The following KDM4C variants were observed in gnomAD, a reference collection of about 807,000 sequenced individuals.
KDM4C encodes lysine-specific demethylase 4C.
Under a neutral mutation model 129.3 loss-of-function variants are expected in KDM4C, and 81 were observed. That is an observed-to-expected ratio of 0.63 (90% CI 0.52 to 0.75). The LOEUF (loss-of-function observed/expected upper bound fraction) is 0.75, where lower values mean the gene tolerates loss of function less well. Among genes scored for constraint, KDM4C ranks in the 30% least tolerant of loss-of-function variants. The pLI, the probability that KDM4C is intolerant of heterozygous loss-of-function variation, is 0.00. For missense variants in KDM4C, 1,457 were observed against 1,304.0 expected (o/e 1.12, Z -1.81); for synonymous variants, 573 against 456.1 (o/e 1.26, Z -3.26).
At chr9:7,043,966 A>T (rs900384635) in intron 15 of KDM4C, among the ~76,000 whole-genome samples, 2 of 151,928 alleles carry the variant, frequency 1.3e-5, no homozygotes, top group African/African-American at 4.8e-5. Flanking sequence ...TATTTAACAA[A>T]CTCATATTAA....
At chr9:6,947,216 A>AT (rs1369232432) in intron 8 of KDM4C, among the ~76,000 whole-genome samples, 3 of 152,014 alleles carry the variant, frequency 2.0e-5, no homozygotes, top group Non-Finnish European at 4.4e-5. Context: ...TTCTGTTCTG[A>AT]TTTTTTGTAC....
chr9:6,757,107 G>T (rs900413793), upstream of KDM4C, among the ~76,000 whole-genome samples: 3 of 152,164 alleles, frequency 2.0e-5, no homozygotes, highest in African/African-American at 7.2e-5. Context: ...CAGTACAGGG[G>T]CTTAAGGTCT....
chr9:7,066,581 C>T (rs1360621472), intron 17 of KDM4C, among the ~76,000 whole-genome samples: 3 of 152,064 alleles, frequency 2.0e-5, no homozygotes, highest in South Asian at 2.1e-4. Flanking sequence ...TGACAATAAA[C>T]ATGTTAAATC....
intron 1 of KDM4C, among the ~76,000 whole-genome samples, chr9:6,732,237 C>G (rs756168293): frequency 2.0e-5 from 3 of 150,888 alleles, no homozygotes; most frequent in African/African-American, 7.3e-5. Context: ...TGGTGGTGGG[C>G]GCCTGTAGTC....
intron 8 of KDM4C, among the ~76,000 whole-genome samples, chr9:6,969,606 A>G (rs991766425): frequency 3.3e-5 from 5 of 152,208 alleles, no homozygotes; most frequent in Admixed American, 6.5e-5. Flanking sequence ...GTCTTACCTG[A>G]TAACGCATTC....
At chr9:6,756,337 C>T (rs1285049399), upstream of KDM4C, among the ~76,000 whole-genome samples, 1 of 152,202 alleles carries the variant, frequency 6.6e-6, no homozygotes, top group African/African-American at 2.4e-5. Context: ...TTAGCATATC[C>T]AATTTACTTG....
intron 8 of KDM4C, among the ~76,000 whole-genome samples, chr9:6,964,565 CTT>C (rs1563897437): frequency 6.6e-6 from 1 of 151,904 alleles, no homozygotes; most frequent in African/African-American, 2.4e-5. Context: ...GTGCATGTGT[CTT>C]TATAGAGTTC....
chr9:6,807,556 C>T (rs1830249777), intron 3 of KDM4C, among the ~76,000 whole-genome samples: 2 of 147,956 alleles, frequency 1.4e-5, no homozygotes, highest in South Asian at 4.3e-4. Flanking sequence ...ATGTGAGGAG[C>T]GCCTCTGCCC....
At chr9:7,149,667 G>T (rs897470300) in intron 19 of KDM4C, among the ~76,000 whole-genome samples, 2 of 152,260 alleles carry the variant, frequency 1.3e-5, no homozygotes, top group South Asian at 2.1e-4. Flanking sequence ...AAAGCAGTTA[G>T]TGTGGTGCCC....
At chr9:6,983,201 C>T (rs1418747361) in intron 9 of KDM4C, among the ~76,000 whole-genome samples, 2 of 152,160 alleles carry the variant, frequency 1.3e-5, no homozygotes, top group Non-Finnish European at 2.9e-5. Context: ...TCTCTGCCCT[C>T]CCTGACTTCC....
In KDM4C at chr9:6,860,203, G is replaced by C. The variant is rs143398210; in HGVS notation, c.629+10503G>C. Reference sequence around the variant, plus strand: ...AATTGACAGGTGATGGGGATGGGGGGGCGTTTGGAGGTGTAGGTAGGAGAA... The same window carrying C: ...AATTGACAGGTGATGGGGATGGGGGCGCGTTTGGAGGTGTAGGTAGGAGAA... On this transcript the variant is annotated intron_variant, in intron 5 of 21. Coordinates refer to ENST00000381309, the MANE Select transcript of KDM4C (RefSeq NM_015061.6). Among the ~76,000 whole-genome samples the C allele has an allele frequency of 2.8e-3, 425 of 152,194 alleles. 7 individuals are homozygous for C. Among genetic ancestry groups the C allele is most frequent in the African/African-American group, 9.8e-3 (406 of 41,518 alleles).
intron 1 of KDM4C, among the ~76,000 whole-genome samples, chr9:6,750,481 G>C (rs1206324918): frequency 6.6e-6 from 1 of 151,038 alleles, no homozygotes; most frequent in Non-Finnish European, 1.5e-5. Flanking sequence ...AGCACTTGAA[G>C]CGAAAGTGAA....
At position 6,845,352 on chromosome 9, in the gene KDM4C, T is replaced by G. The variant is rs556513859; in HGVS notation, c.436-4155T>G. On this transcript the variant is annotated intron_variant, in intron 4 of 21. Transcript: ENST00000381309. ...ATCTCAGCCTTCCATGTAGCAGGGA[T>G]TACAGGCGTGAGGCACCACACCTGG... Among the ~76,000 whole-genome samples the G allele has an allele frequency of 5.3e-5, 8 of 152,266 alleles. No individual in the cohort carries two copies. In the East Asian group the frequency reaches 1.5e-3, roughly 29 times the overall value.
Position 6,936,595 on chromosome 9 carries a change from G to C in KDM4C, c.921+43363G>C, listed in dbSNP as rs569893694. 9.9e-5 allele frequency among the ~76,000 whole-genome samples: 15 copies of C among 152,234 alleles called. No homozygotes were observed. In the South Asian group the frequency reaches 3.1e-3, roughly 32 times the overall value. On this transcript the variant is annotated intron_variant, in intron 8 of 21. Coordinates refer to ENST00000381309, the MANE Select transcript of KDM4C (RefSeq NM_015061.6). ...CCCATTTTCAGTTTTGCTTTTCCTG[G>C]TTTAGGTTGAACGCCATATCATTCT... is the stretch of plus-strand genomic sequence containing the variant.
At chr9:6,952,018 T>C (rs1828242932) in intron 8 of KDM4C, among the ~76,000 whole-genome samples, 1 of 152,140 alleles carries the variant, frequency 6.6e-6, no homozygotes, top group Admixed American at 6.5e-5. Flanking sequence ...ATTTAAAAAA[T>C]ATAATAACCA....
At chr9:6,772,433 C>G (rs1214057377) in intron 1 of KDM4C, among the ~76,000 whole-genome samples, 1 of 152,100 alleles carries the variant, frequency 6.6e-6, no homozygotes, top group Non-Finnish European at 1.5e-5. Flanking sequence ...ACGATCTTGG[C>G]TCACCGCAAC....
At chr9:6,868,797 T>C (rs772054058) in intron 5 of KDM4C, among the ~76,000 whole-genome samples, 4 of 152,072 alleles carry the variant, frequency 2.6e-5, no homozygotes, top group African/African-American at 7.2e-5. Flanking sequence ...ACTGCATGTA[T>C]TATATGTTGA....
chr9:6,974,607 T>C (rs1340516), intron 8 of KDM4C, among the ~76,000 whole-genome samples: 151,298 of 152,350 alleles, frequency 0.99, 75,134 homozygotes, highest in East Asian at 1. Flanking sequence ...CTCTGCCCGC[T>C]TCGGCCTCTG....
chr9:6,853,089 A>C (rs1223615078), intron 5 of KDM4C, among the ~76,000 whole-genome samples: 1 of 151,746 alleles, frequency 6.6e-6, no homozygotes, highest in Non-Finnish European at 1.5e-5. Context: ...GGGCCTGGCT[A>C]TAGGAGCGAT....
Sources: allele counts gnomAD v4.1 joint callset (sites outside exome capture counted in the v4.1 genomes callset), GRCh38; gene constraint gnomAD v4.1.1; transcripts MANE v1.5; gene names NCBI Gene and HGNC (gene_info 2026-07-23, HGNC 2026-07-21).